The following SREBF2 variants were observed in gnomAD, a reference collection of about 807,000 sequenced individuals.
SREBF2 encodes sterol regulatory element-binding protein 2.
SREBF2 carries 55 observed loss-of-function variants against 113.1 expected under a neutral mutation model. That is an observed-to-expected ratio of 0.49 (90% CI 0.39 to 0.61). The LOEUF is 0.61. Among genes scored for constraint, SREBF2 ranks in the 20% least tolerant of loss-of-function variants. The pLI, the probability that SREBF2 is intolerant of heterozygous loss-of-function variation, is 0.00. For synonymous variants in SREBF2, 593 were observed against 605.7 expected (o/e 0.98, Z 0.31); for missense variants, 1,349 against 1,487.4 (o/e 0.91, Z 1.53).
chr22:41,900,106 T>TC, intron 15 of SREBF2: 1 of 1,443,456 alleles, frequency 6.9e-7, no homozygotes, highest in Non-Finnish European at 9.1e-7. Context: ...GTCTCTGACT[T>TC]CCAGCATTGA....
At position 41,907,114 on chromosome 22, in the gene SREBF2, C is replaced by T. The variant is rs2077515778; in HGVS notation, c.*1454C>T. 1 of 152,188 alleles carries T rather than the reference C, an allele frequency of 6.6e-6. No individual in the cohort carries two copies. The highest frequency in any genetic ancestry group is 1.5e-5 in the Non-Finnish European group (1 of 68,086). 9.4% of individuals were successfully genotyped at this position (152,188 alleles called of 1,614,324 possible). The stretch of plus-strand genomic sequence containing the variant: ...CTTTCTCTCCTGCCCCTCCCCTACT[C>T]TCACTGTAATTTATGGACCCTGCCC... On this transcript the variant is annotated 3_prime_UTR_variant, in exon 19 of 19. Coordinates refer to ENST00000361204, the MANE Select transcript of SREBF2 (RefSeq NM_004599.4).
intron 1 of SREBF2, 34 bp from the exon 2 acceptor site, chr22:41,866,797 A>C: frequency 6.2e-7 from 1 of 1,611,148 alleles, no homozygotes; most frequent in Non-Finnish European, 8.5e-7. Context: ...CTTTTTGGAT[A>C]GCAATAAAAT....
intron 17 of SREBF2, 134 bp from the exon 18 acceptor site, chr22:41,904,729 A>G (rs1468834644): frequency 3.9e-6 from 3 of 770,716 alleles, no homozygotes; most frequent in Non-Finnish European, 6.9e-6. Flanking sequence ...GTTGCTTTTC[A>G]GGGGTGAGCA....
rs761309959 is a variant in SREBF2 at position 41,875,578 on chromosome 22, G to A, written c.1240G>A (p.Asp414Asn). Reference sequence around the variant, plus strand: ...GGGCATCGACCTAGGCAGTCTGGTGGACAATGAGGTGGACCTGAAGATCGA... The same window carrying A: ...GGGCATCGACCTAGGCAGTCTGGTGAACAATGAGGTGGACCTGAAGATCGA... ...LKGIDLGSLV[D>N]NEVDLKIEDF... Residue 414 changes from aspartate (D) to asparagine (N), a missense_variant, in exon 7 of 19, where the codon GAC becomes AAC. Transcript: ENST00000361204. 4.3e-6 allele frequency: 7 copies of A among 1,614,224 alleles called. No homozygotes were observed. Among genetic ancestry groups the A allele is most frequent in the Non-Finnish European group, 5.9e-6 (7 of 1,180,038 alleles).
At chr22:41,836,083 T>C (rs117329440) in intron 1 of SREBF2, among the ~76,000 whole-genome samples, 2,628 of 152,368 alleles carry the variant, frequency 0.017, 280 homozygotes, top group Admixed American at 0.15. Context: ...GGAAGAAGAT[T>C]CCATTTCTCT....
intron 1 of SREBF2, among the ~76,000 whole-genome samples, chr22:41,862,211 C>T (rs1257039486): frequency 6.6e-6 from 1 of 152,214 alleles, no homozygotes; most frequent in Non-Finnish European, 1.5e-5. Context: ...TATGTTACCT[C>T]CAAGCCACAA....
chr22:41,905,593 G>A lies in SREBF2; in HGVS notation c.3359G>A (p.Arg1120His), dbSNP rs1234864254. 12 of 1,599,598 alleles carry A rather than the reference G, an allele frequency of 7.5e-6. No homozygotes were observed. Among genetic ancestry groups the A allele is most frequent in the Middle Eastern group, 1.7e-4 (1 of 6,052 alleles). ...ACCCTGGAGAAGGTGGGCGACCGGCGCTCCTGCAACGACTGCCAGCAGATG... is the reference window on the plus strand; with the variant it reads ...ACCCTGGAGAAGGTGGGCGACCGGCACTCCTGCAACGACTGCCAGCAGATG... ...ARTLEKVGDR[R>H]SCNDCQQMIV... Residue 1120 changes from arginine (R) to histidine (H), a missense_variant, in exon 19 of 19, where the codon CGC becomes CAC. Physicochemically the swap from Arg to His is conservative, Grantham distance 29. Coordinates refer to ENST00000361204, the MANE Select transcript of SREBF2 (RefSeq NM_004599.4).
rs2077239813 is a variant in SREBF2 at position 41,880,947 on chromosome 22, G to A, written c.1993G>A (p.Asp665Asn). The A allele has an allele frequency of 6.2e-7, 1 of 1,611,692 alleles. No individual in the cohort carries two copies. Residue 665 changes from aspartate (D) to asparagine (N), a missense_variant, in exon 10 of 19, where the codon GAT (aspartate) becomes AAT (asparagine). Coordinates refer to ENST00000361204, the MANE Select transcript of SREBF2 (RefSeq NM_004599.4). ...AGACGAAGCTAAGACCAGCGCCCGG[G>A]ATGCGGCTCTGGCCTATCACCGGCT... ...FEDEAKTSAR[D>N]AALAYHRLHQ...
Position 41,906,261 on chromosome 22 carries a change from G to A in SREBF2, c.*601G>A, listed in dbSNP as rs2077508359. 1 of 272,590 alleles carries A rather than the reference G, an allele frequency of 3.7e-6. No individual in the cohort carries two copies. The highest frequency in any genetic ancestry group is 7.2e-6 in the Non-Finnish European group (1 of 139,470). The allele number at this position is 272,590 out of a possible 1,614,324, so 16.9% of individuals were successfully genotyped here. A position where few individuals can be genotyped will look rare whatever the true frequency, so the allele number is the denominator to read the frequency against. On this transcript the variant is annotated 3_prime_UTR_variant, in exon 19 of 19. Transcript: ENST00000361204. ...TACACAGGACAGCCAGGGGAGGAGGGGGGCCCAGCCCTGGGAGGCTGGTGG... is the reference window on the plus strand; with the variant it reads ...TACACAGGACAGCCAGGGGAGGAGGAGGGCCCAGCCCTGGGAGGCTGGTGG...
chr22:41,862,268 G>A (rs9607852), intron 1 of SREBF2, among the ~76,000 whole-genome samples: 16,387 of 152,164 alleles, frequency 0.11, 1,545 homozygotes, highest in African/African-American at 0.26. Flanking sequence ...TGAGTCATGG[G>A]GCTGCTTGCA....
intron 1 of SREBF2, among the ~76,000 whole-genome samples, chr22:41,855,528 A>C (rs886900213): frequency 1.3e-5 from 2 of 152,194 alleles, no homozygotes; most frequent in Non-Finnish European, 2.9e-5. Flanking sequence ...GCTCAAAAAA[A>C]ACGCAAAACT....
intron 5 of SREBF2, among the ~76,000 whole-genome samples, chr22:41,874,725 G>A (rs1328357088): frequency 6.6e-6 from 1 of 152,144 alleles, no homozygotes; most frequent in African/African-American, 2.4e-5. Flanking sequence ...GGCCAACATG[G>A]TGAAACCCCG....
intron 1 of SREBF2, among the ~76,000 whole-genome samples, chr22:41,863,113 G>A (rs894557687): frequency 7.2e-5 from 11 of 152,222 alleles, no homozygotes; most frequent in African/African-American, 2.6e-4. Flanking sequence ...CCTGCATAAG[G>A]GTCTACCCTT....
chr22:41,904,117 GTCC>G (rs2077486078), intron 17 of SREBF2, among the ~76,000 whole-genome samples: 1 of 152,074 alleles, frequency 6.6e-6, no homozygotes, highest in Non-Finnish European at 1.5e-5. Context: ...GCCTCAAGCT[GTCC>G]TCCTGCCTCG....
intron 1 of SREBF2, among the ~76,000 whole-genome samples, chr22:41,847,556 C>T (rs2148348319): frequency 6.6e-6 from 1 of 152,340 alleles, no homozygotes; most frequent in East Asian, 1.9e-4. Context: ...CAGTGTCAGG[C>T]TGTCTTTGGT....
intron 9 of SREBF2, chr22:41,878,697 T>C (rs969198177): frequency 3.1e-6 from 4 of 1,304,180 alleles, no homozygotes; most frequent in Admixed American, 4.6e-5. Context: ...CTCACAGCAT[T>C]GAGGAAGAGT....
chr22:41,836,694 G>C (rs2076778875), intron 1 of SREBF2, among the ~76,000 whole-genome samples: 1 of 152,210 alleles, frequency 6.6e-6, no homozygotes, highest in African/African-American at 2.4e-5. Context: ...GGCTGGGCAG[G>C]ATACTAATTG....
intron 10 of SREBF2, among the ~76,000 whole-genome samples, chr22:41,882,478 GACCCTCAGGGCCATTCAGAAGAAC>G (rs2077256457): frequency 6.6e-6 from 1 of 152,114 alleles, no homozygotes; most frequent in Non-Finnish European, 1.5e-5. Flanking sequence ...GTGAAAAGGA[GACCCTCAGGGCCATTCAGAAGAAC>G]ACCCTCATCT....
intron 10 of SREBF2, 125 bp from the exon 11 acceptor site, chr22:41,884,717 C>A: frequency 1.0e-6 from 1 of 999,130 alleles, no homozygotes; most frequent in Non-Finnish European, 1.6e-6. Context: ...TCAGGCCTGT[C>A]TGATCACAAA....
Sources: allele counts gnomAD v4.1 joint callset (sites outside exome capture counted in the v4.1 genomes callset), GRCh38; gene constraint gnomAD v4.1.1; transcripts MANE v1.5; gene names NCBI Gene and HGNC (gene_info 2026-07-23, HGNC 2026-07-21).